PPARA: variants seen among roughly 807,000 people sequenced by gnomAD.
PPARA encodes the protein peroxisome proliferator-activated receptor alpha.
A neutral mutation model predicts 42.2 loss-of-function variants in PPARA; 22 were observed. The observed-to-expected ratio is 0.52, with a 90% CI of 0.37 to 0.74. PPARA has a LOEUF of 0.74. PPARA is among the 30% of genes least tolerant of loss of function. The probability of loss-of-function intolerance (pLI) is 0.00; values close to 1 mark genes in which losing one functional copy is unlikely to be tolerated. For synonymous variants in PPARA, 242 were observed against 239.3 expected, an observed-to-expected ratio of 1.01 and a Z score of -0.10; for missense variants, 465 against 608.2, an observed-to-expected ratio of 0.76 and a Z score of 2.48.
In PPARA at chr22:46,232,234, G is replaced by A; in HGVS notation, c.1154G>A (p.Cys385Tyr). Residue 385 changes from cysteine (C) to tyrosine (Y), a missense_variant, in exon 8 of 9, where the codon TGT becomes TAT. Physicochemically the swap from Cys to Tyr is radical, Grantham distance 194. Coordinates refer to ENST00000407236, the MANE Select transcript of PPARA (RefSeq NM_005036.6). This position sits in a 1 kb window ranked among gnomAD's most constrained non-coding sequence, Gnocchi z 5.3. Reference sequence around the variant, plus strand: ...CTTTTTGTGGCTGCTATCATTTGCTGTGGAGGTGAGTGGTTGATTTAATCT... The same window carrying A: ...CTTTTTGTGGCTGCTATCATTTGCTATGGAGGTGAGTGGTTGATTTAATCT... The part of the protein sequence containing the change: ...ISLFVAAIIC[C>Y]GDRPGLLNVG... 6.2e-7 allele frequency: 1 copy of A among 1,613,968 alleles called. No homozygotes were observed. The highest frequency in any genetic ancestry group is 8.5e-7 in the Non-Finnish European group (1 of 1,179,914).
intron 4 of PPARA, among the ~76,000 whole-genome samples, chr22:46,205,535 TATATATATATATATA>T (rs1183984535): frequency 0.011 from 381 of 33,640 alleles, 4 homozygotes; most frequent in Non-Finnish European, 0.017. Context: ...TATATATATA[TATATATATATATATA>T]TATATTTTTT....
Position 46,171,203 on chromosome 22 carries a change from G to C in PPARA, c.-126-5550G>C, listed in dbSNP as rs894745036. ...AAAAGTACAGAGTCCAGGAAGCCTGGGGTGGGGCTGGCAGATGCCGAGTCA... is the reference window on the plus strand; with the variant it reads ...AAAAGTACAGAGTCCAGGAAGCCTGCGGTGGGGCTGGCAGATGCCGAGTCA... On this transcript the variant is annotated intron_variant, in intron 2 of 8. Coordinates refer to ENST00000407236, the MANE Select transcript of PPARA (RefSeq NM_005036.6). This position sits in a 1 kb window ranked among gnomAD's most constrained non-coding sequence, Gnocchi z 5.0. 6.6e-6 allele frequency: 1 copy of C among 152,426 alleles called. No individual in the cohort carries two copies. The highest frequency in any genetic ancestry group is 1.5e-5 in the Non-Finnish European group (1 of 68,252). 9.4% of individuals were successfully genotyped at this position (152,426 alleles called of 1,614,324 possible).
In PPARA at chr22:46,203,109, T is replaced by C. The variant is rs945999906; in HGVS notation, c.208+4518T>C. Among the ~76,000 whole-genome samples the C allele has an allele frequency of 1.3e-5, 2 of 152,132 alleles. No individual in the cohort carries two copies. The highest frequency in any genetic ancestry group is 4.8e-5 in the African/African-American group (2 of 41,446). On this transcript the variant is annotated intron_variant, in intron 4 of 8. Coordinates refer to ENST00000407236, the MANE Select transcript of PPARA (RefSeq NM_005036.6). The surrounding 1 kb of genome is among the most constrained non-coding windows in gnomAD (Gnocchi z 5.8). ...ATTTCCTCACTGTTATTCATACATG[T>C]GGTCATTTGTACTCATCTCACAATT...
At chr22:46,172,537 G>A (rs1750525429) in intron 2 of PPARA, among the ~76,000 whole-genome samples, 1 of 152,150 alleles carries the variant, frequency 6.6e-6, no homozygotes, top group South Asian at 2.1e-4. Context: ...AGAATCACTT[G>A]AACCTGGGAG....
Position 46,167,553 on chromosome 22 carries a change from T to G in PPARA, c.-126-9200T>G, listed in dbSNP as rs1927262162. On this transcript the variant is annotated intron_variant, in intron 2 of 8. Coordinates refer to ENST00000407236, the MANE Select transcript of PPARA (RefSeq NM_005036.6). The surrounding 1 kb of genome is among the most constrained non-coding windows in gnomAD (Gnocchi z 4.1). ...CTGTAGTCCCAGCTGCACAGTAGTC[T>G]GAGGTGGGAGGATCACCTGAGCCCA... 6.6e-6 allele frequency among the ~76,000 whole-genome samples: 1 copy of G among 152,084 alleles called. No individual in the cohort carries two copies. The highest frequency in any genetic ancestry group is 6.6e-5 in the Admixed American group (1 of 15,260).
rs1931498700 is a variant in PPARA, at chr22:46,191,205, A to G, written c.-42-7137A>G. Among the ~76,000 whole-genome samples the G allele has an allele frequency of 6.6e-6, 1 of 152,128 alleles. No individual in the cohort carries two copies. The highest frequency in any genetic ancestry group is 6.5e-5 in the Admixed American group (1 of 15,270). The stretch of plus-strand genomic sequence containing the variant: ...TGAGACTGCATCTATAAAAACAACA[A>G]CAAAAAAGAAAATATTTGCAAAGGA... On this transcript the variant is annotated intron_variant, in intron 3 of 8. Coordinates refer to ENST00000407236, the MANE Select transcript of PPARA (RefSeq NM_005036.6). The surrounding 1 kb of genome is among the most constrained non-coding windows in gnomAD (Gnocchi z 4.6).
intron 4 of PPARA, among the ~76,000 whole-genome samples, chr22:46,199,619 G>T (rs1453038461): frequency 6.6e-6 from 1 of 152,116 alleles, no homozygotes; most frequent in African/African-American, 2.4e-5. Flanking sequence ...TCCAGCCTGG[G>T]TGACAGTGAG....
chr22:46,218,354 A>G lies in PPARA; in HGVS notation c.461A>G (p.Gln154Arg). ...KIQKKNRNKCQYCRFHKCLSV... is the reference protein window; with the variant it reads ...KIQKKNRNKCRYCRFHKCLSV... ...CAGAAAAAGAACAGAAACAAATGCC[A>G]GTATTGTCGATTTCACAAGTGCCTT... Residue 154 changes from glutamine (Q) to arginine (R), a missense_variant, in exon 6 of 9, where the codon CAG (glutamine) becomes CGG (arginine). Gln to Arg is a conservative substitution (Grantham distance 43). This residue lies in a region of PPARA where 313 missense variants were observed against 469.1 expected (regional missense o/e 0.67). Transcript: ENST00000407236. The G allele has an allele frequency of 1.2e-6, 2 of 1,614,138 alleles. No individual in the cohort carries two copies. Among genetic ancestry groups the G allele is most frequent in the Non-Finnish European group, 1.7e-6 (2 of 1,180,014 alleles).
In PPARA at chr22:46,236,406, G is replaced by T. The variant is rs555085778; in HGVS notation, c.*1026G>T. The T allele has an allele frequency of 2.0e-5, 3 of 152,554 alleles. No individual in the cohort carries two copies. Among genetic ancestry groups the T allele is most frequent in the Non-Finnish European group, 4.4e-5 (3 of 68,026 alleles). 9.5% of individuals were successfully genotyped at this position (152,554 alleles called of 1,614,324 possible). On this transcript the variant is annotated 3_prime_UTR_variant, in exon 9 of 9. Transcript: ENST00000407236. The surrounding 1 kb of genome is among the most constrained non-coding windows in gnomAD (Gnocchi z 5.2). Reference sequence around the variant, plus strand: ...CAGAAAACAGAGTCTCAAGACCCCCGCTCTGGACTGTCATAAGCTAGCACC... The same window carrying T: ...CAGAAAACAGAGTCTCAAGACCCCCTCTCTGGACTGTCATAAGCTAGCACC...
rs1928087509 is a variant in PPARA at position 46,171,792 on chromosome 22, G to A, written c.-126-4961G>A. 6.6e-6 allele frequency among the ~76,000 whole-genome samples: 1 copy of A among 152,188 alleles called. No homozygotes were observed. Among genetic ancestry groups the A allele is most frequent in the Non-Finnish European group, 1.5e-5 (1 of 68,042 alleles). On this transcript the variant is annotated intron_variant, in intron 2 of 8. Coordinates refer to ENST00000407236, the MANE Select transcript of PPARA (RefSeq NM_005036.6). The surrounding 1 kb of genome is among the most constrained non-coding windows in gnomAD (Gnocchi z 5.0). The stretch of plus-strand genomic sequence containing the variant: ...CTCGTGGAGGTCGGGGCCGTTGTGA[G>A]GACTCTGGTTTGTGTTGTGTGTGAA...
At chr22:46,189,360 C>T (rs957291111) in intron 3 of PPARA, among the ~76,000 whole-genome samples, 3 of 152,208 alleles carry the variant, frequency 2.0e-5, no homozygotes, top group Admixed American at 1.3e-4. Context: ...ATTCTTTTTG[C>T]ACCTTTGAAG....
At chr22:46,174,545 A>G (rs1928713553) in intron 2 of PPARA, among the ~76,000 whole-genome samples, 1 of 152,146 alleles carries the variant, frequency 6.6e-6, no homozygotes, top group Admixed American at 6.6e-5. Context: ...GGCCAGACAT[A>G]GTAACTCACT....
In PPARA at chr22:46,183,861, G is replaced by T. The variant is rs1441267190; in HGVS notation, c.-43+7025G>T. Among the ~76,000 whole-genome samples, 1 of 152,154 alleles carries T rather than the reference G, an allele frequency of 6.6e-6. No homozygotes were observed. The highest frequency in any genetic ancestry group is 1.9e-4 in the East Asian group (1 of 5,196). Reference sequence around the variant, plus strand: ...ATGACACACAGTAAACCACACAGAGGGTTCTAACGTGGTTGTTAGAAGCAG... The same window carrying T: ...ATGACACACAGTAAACCACACAGAGTGTTCTAACGTGGTTGTTAGAAGCAG... On this transcript the variant is annotated intron_variant, in intron 3 of 8. Coordinates refer to ENST00000407236, the MANE Select transcript of PPARA (RefSeq NM_005036.6). The surrounding 1 kb of genome is among the most constrained non-coding windows in gnomAD (Gnocchi z 5.5).
chr22:46,154,528 G>A (rs1924959550), intron 2 of PPARA, among the ~76,000 whole-genome samples: 1 of 151,920 alleles, frequency 6.6e-6, no homozygotes, highest in Non-Finnish European at 1.5e-5. Flanking sequence ...TGAGGTGGGA[G>A]GATCCCTTGA....
intron 3 of PPARA, among the ~76,000 whole-genome samples, chr22:46,189,241 C>T (rs912605862): frequency 6.6e-6 from 1 of 152,210 alleles, no homozygotes; most frequent in African/African-American, 2.4e-5. Context: ...AAAGCAATAA[C>T]TACAAACTTT....
chr22:46,181,015 G>A (rs1445627162), intron 3 of PPARA, among the ~76,000 whole-genome samples: 1 of 151,516 alleles, frequency 6.6e-6, no homozygotes, highest in African/African-American at 2.5e-5. Context: ...GCTGGGGATG[G>A]TGAGAGTAGC....
chr22:46,235,131 A>T lies in PPARA; in HGVS notation c.1160-2A>T, dbSNP rs1246441598. 6.2e-7 allele frequency: 1 copy of T among 1,614,022 alleles called. No individual in the cohort carries two copies. Among genetic ancestry groups the T allele is most frequent in the South Asian group, 1.1e-5 (1 of 91,070 alleles). Reference sequence around the variant, plus strand: ...AACCTCTCTCTCTTCTTTCGAGACTAGATCGTCCTGGCCTTCTAAACGTAG... The same window carrying T: ...AACCTCTCTCTCTTCTTTCGAGACTTGATCGTCCTGGCCTTCTAAACGTAG... On this transcript the variant is annotated splice_acceptor_variant, in intron 8 of 8. Transcript: ENST00000407236. LOFTEE classifies it high-confidence loss of function. The surrounding 1 kb of genome is among the most constrained non-coding windows in gnomAD (Gnocchi z 7.0).
chr22:46,213,188 C>G (rs931605486), intron 4 of PPARA, among the ~76,000 whole-genome samples: 2 of 152,110 alleles, frequency 1.3e-5, no homozygotes, highest in African/African-American at 4.8e-5. Flanking sequence ...AATGGGGGTT[C>G]CTGTTGCTCC....
In PPARA at chr22:46,190,429, C is replaced by T. The variant is rs138664685; in HGVS notation, c.-42-7913C>T. Among the ~76,000 whole-genome samples the T allele has an allele frequency of 3.3e-5, 5 of 152,262 alleles. No individual in the cohort carries two copies. Among genetic ancestry groups the T allele is most frequent in the East Asian group, 1.9e-4 (1 of 5,182 alleles). On this transcript the variant is annotated intron_variant, in intron 3 of 8. Transcript: ENST00000407236. This position sits in a 1 kb window ranked among gnomAD's most constrained non-coding sequence, Gnocchi z 5.6. ...GTCAAAAAAGTGAAAGTCTAACGTTCGTAATTATTGTTCTGGAGGCTTTTG... is the reference window on the plus strand; with the variant it reads ...GTCAAAAAAGTGAAAGTCTAACGTTTGTAATTATTGTTCTGGAGGCTTTTG...
Sources: gnomAD v4.1 joint callset for allele counts (sites outside exome capture counted in the v4.1 genomes callset) on GRCh38, gnomAD v4.1.1 for gene constraint, gnomAD v4.1.1 regional missense constraint, Gnocchi (gnomAD v3.1) non-coding constraint, MANE v1.5 for transcripts, NCBI Gene and HGNC (gene_info 2026-07-23, HGNC 2026-07-21) for gene names.